Variants in GMDS observed in about 807,000 individuals in gnomAD.
GMDS encodes the protein GDP-mannose 4,6 dehydratase.
Under a neutral mutation model 49.9 loss-of-function variants are expected in GMDS, and 20 were observed. The ratio of observed to expected loss-of-function variants is 0.40; its 90% confidence interval spans 0.28 to 0.58. GMDS has a LOEUF of 0.58. Among genes scored for constraint, GMDS ranks in the 20% least tolerant of loss-of-function variants. The pLI is 0.42. For synonymous variants in GMDS, 177 were observed against 178.6 expected, an observed-to-expected ratio of 0.99 and a Z score of 0.07; for missense variants, 362 against 481.4, an observed-to-expected ratio of 0.75 and a Z score of 2.32.
At chr6:2,180,590 G>T (rs1353686974) in intron 1 of GMDS, among the ~76,000 whole-genome samples, 1 of 152,078 alleles carries the variant, frequency 6.6e-6, no homozygotes, top group Non-Finnish European at 1.5e-5. Flanking sequence ...ATCTATACTT[G>T]ACTACTTGAG....
At chr6:1,824,283 A>T (rs1771016036) in intron 7 of GMDS, among the ~76,000 whole-genome samples, 1 of 152,148 alleles carries the variant, frequency 6.6e-6, no homozygotes, top group African/African-American at 2.4e-5. Context: ...CAAATGCAAC[A>T]TATCTCCATG....
intron 7 of GMDS, among the ~76,000 whole-genome samples, chr6:1,823,060 G>A (rs1225230804): frequency 6.6e-6 from 1 of 151,976 alleles, no homozygotes; most frequent in Admixed American, 6.6e-5. Context: ...GTGGCTTTTT[G>A]TACTTTTATA....
intron 1 of GMDS, among the ~76,000 whole-genome samples, chr6:2,128,395 A>C (rs968636353): frequency 2.0e-5 from 3 of 152,118 alleles, no homozygotes; most frequent in Non-Finnish European, 4.4e-5. Flanking sequence ...GGCTGTTCTC[A>C]AACCCCTGAC....
chr6:2,036,565 T>C (rs1057143821), intron 4 of GMDS, among the ~76,000 whole-genome samples: 1 of 152,178 alleles, frequency 6.6e-6, no homozygotes, highest in African/African-American at 2.4e-5. Context: ...TTCCTGGCGT[T>C]ACCCATTATC....
chr6:1,802,562 G>GGGCA (rs746192139), intron 7 of GMDS, among the ~76,000 whole-genome samples: 22 of 152,218 alleles, frequency 1.4e-4, no homozygotes, highest in Non-Finnish European at 5.9e-5. Flanking sequence ...GAAAGGGAGA[G>GGGCA]GGCAGGCAGG....
At chr6:1,754,649 A>G (rs1348730086) in intron 7 of GMDS, among the ~76,000 whole-genome samples, 2 of 152,204 alleles carry the variant, frequency 1.3e-5, no homozygotes, top group Non-Finnish European at 2.9e-5. Flanking sequence ...GGCAAACCAA[A>G]TCCAGTAGCA....
intron 4 of GMDS, among the ~76,000 whole-genome samples, chr6:2,065,415 T>C (rs1269119059): frequency 6.6e-6 from 1 of 152,196 alleles, no homozygotes; most frequent in Admixed American, 6.5e-5. Flanking sequence ...GGAACAAAGC[T>C]GGATGGAGAA....
intron 4 of GMDS, among the ~76,000 whole-genome samples, chr6:2,074,316 T>C (rs1772190362): frequency 1.3e-5 from 2 of 152,238 alleles, no homozygotes. Flanking sequence ...TGCATGGCTT[T>C]GGAGAATTGT....
chr6:2,183,007 C>T (rs1353792994), intron 1 of GMDS, among the ~76,000 whole-genome samples: 1 of 152,146 alleles, frequency 6.6e-6, no homozygotes, highest in African/African-American at 2.4e-5. Flanking sequence ...CACGCCCAGA[C>T]AAAAGATTAT....
At chr6:1,649,808 C>G (rs1021562634) in intron 9 of GMDS, among the ~76,000 whole-genome samples, 2 of 152,210 alleles carry the variant, frequency 1.3e-5, no homozygotes, top group Non-Finnish European at 1.5e-5. Context: ...TTCGAAGACA[C>G]CCCTTAGATA....
At position 1,853,103 on chromosome 6, in the gene GMDS, G is replaced by GA. The variant is rs553493246; in HGVS notation, c.771+76999dup. Among the ~76,000 whole-genome samples, 50 of 152,218 alleles carry GA rather than the reference G, an allele frequency of 3.3e-4. No individual in the cohort carries two copies. In the South Asian group the frequency reaches 9.7e-3, roughly 30 times the overall value. The stretch of plus-strand genomic sequence containing the variant: ...GAAATGCAGGCAGGACTTGCTAGGA[G>GA]AATTTTTTCCCCTTTCCTACTCACT... On this transcript the variant is annotated intron_variant, in intron 7 of 10. Coordinates refer to ENST00000380815, the MANE Select transcript of GMDS (RefSeq NM_001500.4).
chr6:1,657,452 G>A (rs964961686), intron 9 of GMDS, among the ~76,000 whole-genome samples: 2 of 152,248 alleles, frequency 1.3e-5, no homozygotes, highest in Non-Finnish European at 2.9e-5. Flanking sequence ...AGATGAGCCA[G>A]CAGATAGCCG....
At chr6:2,028,373 T>C (rs1359052935) in intron 4 of GMDS, among the ~76,000 whole-genome samples, 3 of 152,250 alleles carry the variant, frequency 2.0e-5, no homozygotes, top group Non-Finnish European at 2.9e-5. Flanking sequence ...TTATCTCATC[T>C]ACCAGAACTC....
At chr6:2,202,339 C>T (rs1237844022) in intron 1 of GMDS, among the ~76,000 whole-genome samples, 2 of 151,594 alleles carry the variant, frequency 1.3e-5, no homozygotes, top group African/African-American at 4.9e-5. Context: ...ACCACATGCA[C>T]ATCCGAGATG....
In GMDS at chr6:1,862,518, C is replaced by A. The variant is rs191499052; in HGVS notation, c.771+67585G>T. 7.0e-4 allele frequency among the ~76,000 whole-genome samples: 107 copies of A among 152,330 alleles called. 1 individual carries two copies. The highest frequency in any genetic ancestry group is 6.9e-3 in the Admixed American group (106 of 15,308). On this transcript the variant is annotated intron_variant, in intron 7 of 10. Coordinates refer to ENST00000380815, the MANE Select transcript of GMDS (RefSeq NM_001500.4). ...TACCAAGTGTGTCTCAGAAAAAATT[C>A]TTTGTATTAGCTAGAACAAGGTTAA...
intron 7 of GMDS, among the ~76,000 whole-genome samples, chr6:1,864,930 T>C (rs1335865086): frequency 1.3e-5 from 2 of 152,236 alleles, no homozygotes; most frequent in African/African-American, 4.8e-5. Context: ...TTTTGAACAT[T>C]GTTTCCTTTG....
In GMDS at chr6:2,077,761, G is replaced by A. The variant is rs566904058; in HGVS notation, c.345+38010C>T. Reference sequence around the variant, plus strand: ...TACTTTTCTTTTTTTGTGTGTCCTTGTCTGGTTTTGGTATAAGGGTGATGC... The same window carrying A: ...TACTTTTCTTTTTTTGTGTGTCCTTATCTGGTTTTGGTATAAGGGTGATGC... On this transcript the variant is annotated intron_variant, in intron 4 of 10. Transcript: ENST00000380815. 2.5e-3 allele frequency among the ~76,000 whole-genome samples: 378 copies of A among 152,064 alleles called. 1 individual carries two copies. The highest frequency in any genetic ancestry group is 8.8e-3 in the African/African-American group (367 of 41,494).
chr6:1,927,631 G>A (rs1020690658), intron 7 of GMDS, among the ~76,000 whole-genome samples: 13 of 152,156 alleles, frequency 8.5e-5, no homozygotes, highest in African/African-American at 2.9e-4. Flanking sequence ...TCGCAGCAGC[G>A]CTAGCTTGGC....
intron 1 of GMDS, among the ~76,000 whole-genome samples, chr6:2,216,392 TTAAG>T (rs1448308498): frequency 5.3e-5 from 8 of 152,266 alleles, no homozygotes; most frequent in African/African-American, 9.6e-5. Context: ...CTTTACTGGC[TTAAG>T]TTAGTATGAA....
Sources: allele counts gnomAD v4.1 joint callset (sites outside exome capture counted in the v4.1 genomes callset), GRCh38; gene constraint gnomAD v4.1.1; transcripts MANE v1.5; gene names NCBI Gene and HGNC (gene_info 2026-07-23, HGNC 2026-07-21).